INSR: variants seen among roughly 807,000 people sequenced by gnomAD.
INSR encodes insulin receptor.
A neutral mutation model predicts 142.6 loss-of-function variants in INSR; 67 were observed. That is an observed-to-expected ratio of 0.47 (90% CI 0.39 to 0.58). The LOEUF (loss-of-function observed/expected upper bound fraction) is 0.58. INSR is among the 20% of genes least tolerant of loss of function. INSR has a pLI of 0.00. For synonymous variants in INSR, 756 were observed against 743.1 expected (o/e 1.02, Z -0.28); for missense variants, 1,248 against 1,833.2 (o/e 0.68, Z 5.83).
Position 7,116,700 on chromosome 19 carries a change from C to CAAAAA in INSR, c.*351_*355dup, listed in dbSNP as rs71177157. On this transcript the variant is annotated 3_prime_UTR_variant, in exon 22 of 22. Coordinates refer to ENST00000302850, the MANE Select transcript of INSR (RefSeq NM_000208.4). ...TTTTATACTGAAGCTCAGACACCAG[C>CAAAAA]AAAAAAAAAAAAAAAAAAAAAGAAT... 34 of 50,518 alleles carry CAAAAA rather than the reference C, an allele frequency of 6.7e-4. 2 individuals carry two copies. The highest frequency in any genetic ancestry group is 2.8e-3 in the East Asian group (3 of 1,072). 3.1% of individuals were successfully genotyped at this position (50,518 alleles called of 1,614,324 possible).
intron 2 of INSR, among the ~76,000 whole-genome samples, chr19:7,264,241 G>A (rs1223704172): frequency 2.0e-5 from 3 of 151,782 alleles, no homozygotes; most frequent in Admixed American, 2.0e-4. Context: ...GCTGAGGCAG[G>A]AAAATTGCTT....
Position 7,183,982 on chromosome 19 carries a change from C to A in INSR, c.974+334G>T, listed in dbSNP as rs940516342. 2.0e-5 allele frequency among the ~76,000 whole-genome samples: 3 copies of A among 148,704 alleles called. No homozygotes were observed. In the East Asian group the frequency reaches 5.9e-4, roughly 29 times the overall value. On this transcript the variant is annotated intron_variant, in intron 3 of 21. Transcript: ENST00000302850. ...GCTGAGGCAGGAAAATCGCTTGAAC[C>A]CAGGAGGCAGAGGTTGCAGTGAGCC...
intron 14 of INSR, 39 bp from the exon 15 acceptor site, chr19:7,128,993 T>C: frequency 2.6e-6 from 4 of 1,509,968 alleles, no homozygotes; most frequent in Non-Finnish European, 3.7e-6. Flanking sequence ...CATATCAATG[T>C]GTTTCCAACA....
intron 2 of INSR, among the ~76,000 whole-genome samples, chr19:7,204,706 T>A (rs1975058776): frequency 1.0e-5 from 1 of 95,616 alleles, no homozygotes; most frequent in Admixed American, 9.5e-5. Flanking sequence ...CCCTGGCACC[T>A]ATGCGGGGAA....
intron 2 of INSR, among the ~76,000 whole-genome samples, chr19:7,235,052 C>T (rs1216623662): frequency 2.1e-5 from 3 of 145,984 alleles, no homozygotes; most frequent in Admixed American, 6.8e-5. Context: ...AGAAAGACTC[C>T]GTCTCAAAAA....
At chr19:7,138,584 C>T (rs1972995956) in intron 13 of INSR, among the ~76,000 whole-genome samples, 1 of 151,914 alleles carries the variant, frequency 6.6e-6, no homozygotes, top group South Asian at 2.1e-4. Context: ...GCTGTGTTGC[C>T]CAGGCTCAAA....
intron 16 of INSR, 38 bp downstream of exon 16, chr19:7,126,546 A>G (rs1308203360): frequency 6.6e-7 from 1 of 1,515,486 alleles, no homozygotes; most frequent in South Asian, 1.2e-5. Flanking sequence ...GCTGATGAGT[A>G]GGGTTCTGGC....
chr19:7,210,071 G>A (rs73488783), intron 2 of INSR, among the ~76,000 whole-genome samples: 257 of 152,066 alleles, frequency 1.7e-3, no homozygotes, highest in African/African-American at 5.7e-3. Context: ...AGAGCCAGGC[G>A]CAGTGGCTCA....
intron 2 of INSR, 24 bp from the exon 3 acceptor site, chr19:7,184,661 G>GAGC: frequency 7.7e-7 from 1 of 1,294,268 alleles, no homozygotes; most frequent in African/African-American, 1.6e-5. Context: ...GAGAGAGAGA[G>GAGC]GGAAATAAAT....
intron 13 of INSR, among the ~76,000 whole-genome samples, chr19:7,134,156 G>C (rs1239867473): frequency 6.6e-6 from 1 of 152,090 alleles, no homozygotes; most frequent in African/African-American, 2.4e-5. Context: ...TCCAGCCTGG[G>C]TGACAGAGCA....
chr19:7,154,307 T>TTC (rs1324374566), intron 9 of INSR, among the ~76,000 whole-genome samples: 2 of 140,928 alleles, frequency 1.4e-5, no homozygotes, highest in East Asian at 4.2e-4. Flanking sequence ...TTACTTTTTT[T>TTC]TTTTTTTTTT....
At chr19:7,280,377 G>C (rs1968175034) in intron 1 of INSR, among the ~76,000 whole-genome samples, 1 of 152,144 alleles carries the variant, frequency 6.6e-6, no homozygotes, top group African/African-American at 2.4e-5. Flanking sequence ...TCAGGAGTTC[G>C]AGCCCAGCCT....
chr19:7,116,960 G>T lies in INSR; in HGVS notation c.*96C>A. 1.1e-6 allele frequency: 1 copy of T among 937,846 alleles called. No individual in the cohort carries two copies. Among genetic ancestry groups the T allele is most frequent in the Non-Finnish European group, 1.8e-6 (1 of 563,500 alleles). 58.1% of individuals were successfully genotyped at this position (937,846 alleles called of 1,614,324 possible). On this transcript the variant is annotated 3_prime_UTR_variant, in exon 22 of 22. Transcript: ENST00000302850. Reference sequence around the variant, plus strand: ...ACGATCTCTGAACTCCATTGGACATGGTAGAGTCGTGAGAATCCTGAGTTT... The same window carrying T: ...ACGATCTCTGAACTCCATTGGACATTGTAGAGTCGTGAGAATCCTGAGTTT...
intron 2 of INSR, among the ~76,000 whole-genome samples, chr19:7,187,759 A>C (rs746494717): frequency 2.6e-5 from 4 of 151,082 alleles, no homozygotes; most frequent in Non-Finnish European, 4.4e-5. Context: ...TTTTTGTAGA[A>C]ATGGGGTCTC....
At chr19:7,163,484 T>C (rs1299695759) in intron 8 of INSR, among the ~76,000 whole-genome samples, 1 of 151,052 alleles carries the variant, frequency 6.6e-6, no homozygotes, top group East Asian at 2.0e-4. Flanking sequence ...GGCGTGAACC[T>C]GGGAGGCGGA....
At chr19:7,293,421 G>A (rs1270591306) in intron 1 of INSR, among the ~76,000 whole-genome samples, 2 of 152,328 alleles carry the variant, frequency 1.3e-5, no homozygotes, top group East Asian at 3.9e-4. Flanking sequence ...TCCAGACCCA[G>A]TGACCCCACT....
intron 2 of INSR, among the ~76,000 whole-genome samples, chr19:7,208,739 CTCACGCCTGT>C (rs1346815804): frequency 6.6e-6 from 1 of 152,192 alleles, no homozygotes; most frequent in Non-Finnish European, 1.5e-5. Flanking sequence ...GGCGCAGTGG[CTCACGCCTGT>C]AATCCCAGCA....
intron 1 of INSR, among the ~76,000 whole-genome samples, chr19:7,292,219 T>TAGCTGGGACTACAGGCGA (rs1968511701): frequency 6.6e-6 from 1 of 151,608 alleles, no homozygotes; most frequent in African/African-American, 2.4e-5. Context: ...GCCTCCCAAG[T>TAGCTGGGACTACAGGCGA]AGCTGGGACT....
chr19:7,231,295 G>GTTT (rs59830751), intron 2 of INSR, among the ~76,000 whole-genome samples: 60 of 134,982 alleles, frequency 4.4e-4, no homozygotes, highest in African/African-American at 1.6e-3. Context: ...GGTGTTTTTT[G>GTTT]TTTTTTTTTT....
Sources: gnomAD v4.1 joint callset for allele counts (sites outside exome capture counted in the v4.1 genomes callset) on GRCh38, gnomAD v4.1.1 for gene constraint, MANE v1.5 for transcripts, NCBI Gene and HGNC (gene_info 2026-07-23, HGNC 2026-07-21) for gene names.